The following ATAD3B variants were observed in gnomAD, a reference collection of about 807,000 sequenced individuals.
ATAD3B encodes the protein ATPase family AAA domain containing 3B, also known as ATPase family AAA domain-containing protein 3B.
A neutral mutation model predicts 70.2 loss-of-function variants in ATAD3B; 59 were observed. The ratio of observed to expected loss-of-function variants is 0.84; its 90% CI spans 0.68 to 1.04. The LOEUF is 1.04. Among genes scored for constraint, ATAD3B ranks in the 50% least tolerant of loss-of-function variants. The pLI, the probability that ATAD3B is intolerant of heterozygous loss-of-function variation, is 0.00. For synonymous variants in ATAD3B, 423 were observed against 388.6 expected (o/e 1.09, Z -1.04); for missense variants, 961 against 913.4 (o/e 1.05, Z -0.67).
the ATAD3B span, among the ~76,000 whole-genome samples, chr1:1,504,770 A>G: frequency 6.6e-6 from 1 of 152,152 alleles, no homozygotes; most frequent in Non-Finnish European, 1.5e-5. Context: ...GTGCCAGCTC[A>G]GTCCCTCCCT....
chr1:1,472,984 G>T (rs899203496), intron 1 of ATAD3B, among the ~76,000 whole-genome samples: 1 of 151,226 alleles, frequency 6.6e-6, no homozygotes, highest in Non-Finnish European at 1.5e-5. Flanking sequence ...CACCACGCCC[G>T]GCTAATTTTT....
intron 15 of ATAD3B, among the ~76,000 whole-genome samples, chr1:1,491,488 AC>A (rs1480080100): frequency 6.6e-6 from 1 of 151,912 alleles, no homozygotes; most frequent in Admixed American, 6.6e-5. Flanking sequence ...CCAAGATCGC[AC>A]CACCGCACTC....
intron 8 of ATAD3B, among the ~76,000 whole-genome samples, chr1:1,485,510 G>A (rs113537492): frequency 0.061 from 9,294 of 152,130 alleles, 354 homozygotes; most frequent in East Asian, 0.14. Flanking sequence ...CTGGGGAGCC[G>A]CGCCGCTTGC....
chr1:1,486,064 C>G (rs763743443), intron 9 of ATAD3B, 46 bp from the exon 10 acceptor site: 2 of 1,612,004 alleles, frequency 1.2e-6, no homozygotes, highest in Non-Finnish European at 1.7e-6. Context: ...ACCGAGGCTT[C>G]CGTGGGTGCA....
At chr1:1,473,134 C>CTTTTTT (rs569834397) in intron 1 of ATAD3B, among the ~76,000 whole-genome samples, 7 of 84,396 alleles carry the variant, frequency 8.3e-5, no homozygotes, top group East Asian at 5.2e-4. Context: ...GAAGGGATTC[C>CTTTTTT]TTTTTTTTTT....
At chr1:1,487,547 T>C (rs1213852199) in intron 11 of ATAD3B, among the ~76,000 whole-genome samples, 1 of 151,410 alleles carries the variant, frequency 6.6e-6, no homozygotes, top group Non-Finnish European at 1.5e-5. Context: ...ACTGGGTCGC[T>C]GTGTGGGTGA....
downstream of ATAD3B, among the ~76,000 whole-genome samples, chr1:1,502,382 T>C (rs1214065358): frequency 6.7e-6 from 1 of 149,616 alleles, no homozygotes; most frequent in African/African-American, 2.5e-5. Context: ...GCCTGGCTAA[T>C]TTTTTGTATT....
the ATAD3B span, chr1:1,503,733 C>A: frequency 6.3e-7 from 1 of 1,586,834 alleles, no homozygotes; most frequent in Non-Finnish European, 8.6e-7. Flanking sequence ...GGTAGGGCTA[C>A]TGCCGGTGGG....
At chr1:1,502,220 CTTT>C (rs377727458), downstream of ATAD3B, among the ~76,000 whole-genome samples, 1 of 142,666 alleles carries the variant, frequency 7.0e-6, no homozygotes, top group Non-Finnish European at 1.5e-5. Context: ...TTTTCTCTCT[CTTT>C]TTTTTTTTGG....
the ATAD3B span, among the ~76,000 whole-genome samples, chr1:1,508,465 C>T: frequency 8.6e-5 from 13 of 151,544 alleles, 1 homozygote; most frequent in African/African-American, 2.7e-4. Flanking sequence ...CTCAGCTGTC[C>T]GGGAAGGGTC....
At chr1:1,498,807 C>T (rs923559280), downstream of ATAD3B, among the ~76,000 whole-genome samples, 2 of 151,158 alleles carry the variant, frequency 1.3e-5, no homozygotes, top group African/African-American at 4.9e-5. Context: ...TTTTCGGTGT[C>T]GCAAAAGAAG....
At chr1:1,493,431 T>G (rs916035433) in intron 15 of ATAD3B, among the ~76,000 whole-genome samples, 1 of 151,856 alleles carries the variant, frequency 6.6e-6, no homozygotes, top group African/African-American at 2.4e-5. Flanking sequence ...TGTTAATTTT[T>G]TTTGTTTCTT....
the ATAD3B span, among the ~76,000 whole-genome samples, chr1:1,508,649 C>T: frequency 6.6e-6 from 1 of 151,472 alleles, no homozygotes; most frequent in African/African-American, 2.5e-5. Flanking sequence ...CCTGAGGCTG[C>T]CTGAAGCGAC....
At chr1:1,488,028 C>T (rs973262420) in intron 12 of ATAD3B, 114 bp downstream of exon 12, 22 of 1,425,226 alleles carry the variant, frequency 1.5e-5, no homozygotes, top group Non-Finnish European at 1.9e-5. Flanking sequence ...AATCTTGGCT[C>T]GCTGCAACCT....
chr1:1,482,752 C>G, intron 7 of ATAD3B, 138 bp downstream of exon 7: 1 of 1,403,026 alleles, frequency 7.1e-7, no homozygotes. Context: ...CACGTTGTAC[C>G]TGCTGGGCTC....
rs376808354 is a variant in ATAD3B at position 1,479,968 on chromosome 1, A to G, written c.444+860A>G. On this transcript the variant is annotated intron_variant, in intron 4 of 15. Coordinates refer to ENST00000673477, the MANE Select transcript of ATAD3B (RefSeq NM_031921.6). ...CCTGCACACACGGGCACACCCCACC[A>G]CACACACACACAGGCATGGACACAC... Among the ~76,000 whole-genome samples the G allele has an allele frequency of 5.2e-4, 72 of 138,528 alleles. 6 individuals carry two copies. The highest frequency in any genetic ancestry group is 1.9e-3 in the African/African-American group (68 of 36,352). The allele number at this position is 138,528 out of a possible 152,430, so 90.9% of individuals were successfully genotyped here.
chr1:1,482,365 C>T (rs1199703495), intron 6 of ATAD3B, 62 bp downstream of exon 6: 6 of 1,565,708 alleles, frequency 3.8e-6, no homozygotes, highest in African/African-American at 1.4e-5. Flanking sequence ...AGTCGCTGGT[C>T]CCAGGGCGCT....
downstream of ATAD3B, among the ~76,000 whole-genome samples, chr1:1,502,661 G>A (rs1640970677): frequency 1.3e-5 from 2 of 150,998 alleles, no homozygotes; most frequent in African/African-American, 4.9e-5. Context: ...ACAGGCACAG[G>A]CCGACATGCC....
chr1:1,491,380 A>G (rs1406665013), intron 15 of ATAD3B, among the ~76,000 whole-genome samples: 1 of 151,818 alleles, frequency 6.6e-6, no homozygotes, highest in African/African-American at 2.4e-5. Context: ...AAAATACAAA[A>G]ATTAGCTGAG....
Sources: allele counts gnomAD v4.1 joint callset (sites outside exome capture counted in the v4.1 genomes callset), GRCh38; gene constraint gnomAD v4.1.1; transcripts MANE v1.5; gene names NCBI Gene and HGNC (gene_info 2026-07-23, HGNC 2026-07-21).